ITGBL1: variants seen among roughly 807,000 people sequenced by gnomAD.
ITGBL1 encodes the protein integrin beta-like protein 1.
A neutral mutation model predicts 68.5 loss-of-function variants in ITGBL1; 51 were observed. The observed-to-expected ratio is 0.74, with a 90% CI of 0.59 to 0.94. The LOEUF (loss-of-function observed/expected upper bound fraction) is 0.94, where lower values mean the gene tolerates loss of function less well. Ranked by LOEUF, ITGBL1 falls within the 40% of genes least tolerant of loss-of-function variation. The pLI is 0.00. For missense variants in ITGBL1, 649 were observed against 647.4 expected, an observed-to-expected ratio of 1.00 and a Z score of -0.03; for synonymous variants, 209 against 227.3, an observed-to-expected ratio of 0.92 and a Z score of 0.72.
chr13:101,512,806 G>A (rs1174310143), intron 2 of ITGBL1, among the ~76,000 whole-genome samples: 2 of 152,116 alleles, frequency 1.3e-5, no homozygotes, highest in Non-Finnish European at 2.9e-5. Flanking sequence ...TCCTGCATCT[G>A]TGCCTCATTC....
In ITGBL1 at chr13:101,692,792, T is replaced by C; in HGVS notation, c.1132+91T>C. 3.7e-6 allele frequency: 3 copies of C among 816,228 alleles called. No individual in the cohort carries two copies. In the East Asian group the frequency reaches 7.3e-5, roughly 20 times the overall value. 50.6% of individuals were successfully genotyped at this position (816,228 alleles called of 1,614,324 possible). A position where few individuals can be genotyped will look rare whatever the true frequency, so the allele number is the denominator to read the frequency against. On this transcript the variant is annotated intron_variant, in intron 8 of 10. Transcript: ENST00000376180. ...TACTGACTCTTGCTTTTTCAATTGCTGTTAAAAATAAGATAAACAGAAAGC... is the reference window on the plus strand; with the variant it reads ...TACTGACTCTTGCTTTTTCAATTGCCGTTAAAAATAAGATAAACAGAAAGC...
intron 2 of ITGBL1, among the ~76,000 whole-genome samples, chr13:101,547,922 T>C (rs907452883): frequency 6.6e-6 from 1 of 151,232 alleles, no homozygotes; most frequent in African/African-American, 2.4e-5. Context: ...TATATATATA[T>C]GTGTATATAT....
At chr13:101,680,286 A>G (rs1001552130) in intron 7 of ITGBL1, among the ~76,000 whole-genome samples, 4 of 152,200 alleles carry the variant, frequency 2.6e-5, no homozygotes, top group Non-Finnish European at 5.9e-5. Context: ...TCAGGTTGCT[A>G]TGGCAAACCT....
At chr13:101,679,228 A>G (rs1440273291) in intron 7 of ITGBL1, among the ~76,000 whole-genome samples, 1 of 152,114 alleles carries the variant, frequency 6.6e-6, no homozygotes, top group Non-Finnish European at 1.5e-5. Context: ...CTATAGAAAC[A>G]TTTATCTGAT....
chr13:101,664,585 A>G (rs1231397558), intron 7 of ITGBL1, among the ~76,000 whole-genome samples: 2 of 152,230 alleles, frequency 1.3e-5, no homozygotes, highest in African/African-American at 4.8e-5. Flanking sequence ...TCCAGGATCA[A>G]TTTATTGAAA....
At chr13:101,690,451 G>A (rs2033858338) in intron 7 of ITGBL1, among the ~76,000 whole-genome samples, 1 of 152,174 alleles carries the variant, frequency 6.6e-6, no homozygotes. Context: ...CTGGTTCTAT[G>A]TAACTGGAAT....
intron 7 of ITGBL1, among the ~76,000 whole-genome samples, chr13:101,681,074 ATACT>A (rs1296253216): frequency 6.6e-6 from 1 of 152,178 alleles, no homozygotes; most frequent in Non-Finnish European, 1.5e-5. Context: ...ATCTAGCATG[ATACT>A]TACCCCACAG....
intron 7 of ITGBL1, among the ~76,000 whole-genome samples, chr13:101,650,095 T>C (rs1269886704): frequency 1.3e-5 from 2 of 152,180 alleles, no homozygotes; most frequent in Non-Finnish European, 2.9e-5. Flanking sequence ...GAAAATGCAT[T>C]GTCCTCTTAA....
At chr13:101,575,630 T>G in intron 4 of ITGBL1, 84 bp downstream of exon 4, 1 of 1,367,726 alleles carries the variant, frequency 7.3e-7, no homozygotes, top group Non-Finnish European at 1.0e-6. Context: ...TACATAAGTT[T>G]CTGCTCTAGG....
In ITGBL1 at chr13:101,453,932, C is replaced by G. The variant is rs982820653; in HGVS notation, c.148C>G (p.Arg50Gly). The G allele has an allele frequency of 9.3e-6, 13 of 1,393,028 alleles. No homozygotes were observed. The Admixed American group carries it at 3.0e-4, about 32-fold the overall frequency. 86.3% of individuals were successfully genotyped at this position (1,393,028 alleles called of 1,614,324 possible). The change falls in exon 2 of 11, where the codon CGC (arginine) becomes GGC (glycine). Residue 50 changes from arginine to glycine, a missense_variant. Arg to Gly is a moderately radical substitution (Grantham distance 125). Coordinates refer to ENST00000376180, the MANE Select transcript of ITGBL1 (RefSeq NM_004791.3). ...GCTGTCCCGGGCCGAGTCGGAGCGA[C>G]GCTGCCGCGCACCTGGGCAGCCCCC... ...CRLSRAESER[R>G]CRAPGQPPGA...
intron 7 of ITGBL1, among the ~76,000 whole-genome samples, chr13:101,652,075 CT>C (rs1200235083): frequency 2.6e-5 from 4 of 151,860 alleles, no homozygotes; most frequent in African/African-American, 9.7e-5. Context: ...TACCATGTGA[CT>C]TTTTAAAAAA....
intron 2 of ITGBL1, among the ~76,000 whole-genome samples, chr13:101,471,528 A>ATGTG (rs1491291327): frequency 2.6e-5 from 3 of 117,124 alleles, no homozygotes; most frequent in Non-Finnish European, 5.2e-5. Context: ...GTGTGTGTGT[A>ATGTG]TGTATGTGTG....
intron 2 of ITGBL1, among the ~76,000 whole-genome samples, chr13:101,476,860 A>G (rs1453745093): frequency 1.3e-5 from 2 of 152,192 alleles, no homozygotes; most frequent in Admixed American, 6.5e-5. Context: ...AAATATTATT[A>G]GAGCTAAAGT....
chr13:101,554,439 A>C (rs1190643835), intron 2 of ITGBL1, among the ~76,000 whole-genome samples: 5 of 152,142 alleles, frequency 3.3e-5, no homozygotes, highest in Admixed American at 6.5e-5. Context: ...GTCTTACACG[A>C]TGACATCTGT....
At chr13:101,691,016 A>G (rs966396950) in intron 7 of ITGBL1, among the ~76,000 whole-genome samples, 1 of 152,224 alleles carries the variant, frequency 6.6e-6, no homozygotes, top group Admixed American at 6.5e-5. Flanking sequence ...TCCTGCTGCC[A>G]TCACTTCTGA....
At chr13:101,578,121 A>G (rs1461630778) in intron 4 of ITGBL1, among the ~76,000 whole-genome samples, 1 of 152,142 alleles carries the variant, frequency 6.6e-6, no homozygotes, top group Non-Finnish European at 1.5e-5. Flanking sequence ...CATCTGCTGG[A>G]CATGAATAGC....
At chr13:101,545,970 A>G (rs755678034) in intron 2 of ITGBL1, among the ~76,000 whole-genome samples, 1 of 152,364 alleles carries the variant, frequency 6.6e-6, no homozygotes, top group Non-Finnish European at 1.5e-5. Context: ...TAAAATAATC[A>G]TACAATGAAC....
intron 7 of ITGBL1, among the ~76,000 whole-genome samples, chr13:101,652,421 T>C (rs758302679): frequency 6.6e-6 from 1 of 152,174 alleles, no homozygotes; most frequent in Non-Finnish European, 1.5e-5. Context: ...GAACCCTCTT[T>C]ATAGGGTCAT....
At chr13:101,614,379 CTAAT>C (rs1461713283) in intron 7 of ITGBL1, among the ~76,000 whole-genome samples, 5 of 152,096 alleles carry the variant, frequency 3.3e-5, no homozygotes, top group African/African-American at 1.2e-4. Flanking sequence ...CACAACAGTA[CTAAT>C]TGTTTTCCAT....
Sources: gnomAD v4.1 joint callset for allele counts (sites outside exome capture counted in the v4.1 genomes callset) on GRCh38, gnomAD v4.1.1 for gene constraint, MANE v1.5 for transcripts, NCBI Gene and HGNC (gene_info 2026-07-23, HGNC 2026-07-21) for gene names.